Variants in PIGK observed in about 807,000 individuals in gnomAD.
The protein encoded by PIGK is GPI-anchor transamidase.
A neutral mutation model predicts 50.6 loss-of-function variants in PIGK; 42 were observed. The ratio of observed to expected loss-of-function variants is 0.83; its 90% CI spans 0.65 to 1.07. PIGK has a LOEUF of 1.07. PIGK is among the 50% of genes least tolerant of loss of function. The pLI is 0.00. For synonymous variants in PIGK, 151 were observed against 156.0 expected (o/e 0.97, Z 0.24); for missense variants, 448 against 488.7 (o/e 0.92, Z 0.78).
chr1:77,097,716 G>C (rs539678627), intron 10 of PIGK, among the ~76,000 whole-genome samples: 17 of 152,172 alleles, frequency 1.1e-4, no homozygotes, highest in Admixed American at 9.8e-4. Flanking sequence ...ATTACTCATA[G>C]ATATGATTAT....
chr1:77,166,873 G>A, intron 4 of PIGK, 43 bp from the exon 5 acceptor site: 1 of 903,408 alleles, frequency 1.1e-6, no homozygotes. Flanking sequence ...AATAAAACCT[G>A]GGAAATCTTG....
At position 77,153,179 on chromosome 1, in the gene PIGK, C is replaced by CA. The variant is rs746838686; in HGVS notation, c.986+1269dup. On this transcript the variant is annotated intron_variant, in intron 9 of 10. Transcript: ENST00000370812. ...TACACAATAAAATGTTATTCAGCCA[C>CA]AAAAAAGAATGAAATCTTGTTATTT... is the stretch of plus-strand genomic sequence containing the variant. Among the ~76,000 whole-genome samples the CA allele has an allele frequency of 2.6e-5, 4 of 152,014 alleles. No individual in the cohort carries two copies. In the South Asian group the frequency reaches 6.2e-4, roughly 24 times the overall value.
At chr1:77,173,686 G>A (rs550173035) in intron 3 of PIGK, among the ~76,000 whole-genome samples, 1 of 152,174 alleles carries the variant, frequency 6.6e-6, no homozygotes, top group Non-Finnish European at 1.5e-5. Context: ...AGCAAATTTG[G>A]TGTCCTTGTC....
chr1:77,219,198 G>A (rs912850534), intron 1 of PIGK, 112 bp downstream of exon 1: 2 of 810,394 alleles, frequency 2.5e-6, no homozygotes, highest in Non-Finnish European at 4.1e-6. Flanking sequence ...ACCCAGCCTG[G>A]GTCAGGGGCT....
At chr1:77,099,604 A>T (rs1653497345) in intron 10 of PIGK, among the ~76,000 whole-genome samples, 1 of 152,190 alleles carries the variant, frequency 6.6e-6, no homozygotes, top group African/African-American at 2.4e-5. Flanking sequence ...GTGTTTAATG[A>T]TATCGCTGAC....
At chr1:77,172,987 T>C (rs1236547799) in intron 3 of PIGK, among the ~76,000 whole-genome samples, 1 of 152,196 alleles carries the variant, frequency 6.6e-6, no homozygotes, top group Non-Finnish European at 1.5e-5. Flanking sequence ...TTGTTTCATT[T>C]TTCTCGTGCA....
intron 10 of PIGK, among the ~76,000 whole-genome samples, chr1:77,121,864 C>T (rs1347421576): frequency 6.6e-6 from 1 of 152,110 alleles, no homozygotes; most frequent in Non-Finnish European, 1.5e-5. Flanking sequence ...GATGATTGGG[C>T]AGGGTAAAGG....
At chr1:77,169,238 G>C in intron 4 of PIGK, 22 bp downstream of exon 4, 1 of 1,446,912 alleles carries the variant, frequency 6.9e-7, no homozygotes, top group Non-Finnish European at 9.3e-7. Context: ...TTTTAAAAAT[G>C]TGGCTAGATT....
At position 77,100,073 on chromosome 1, in the gene PIGK, T is replaced by A. The variant is rs1387875464; in HGVS notation, c.1072-7583A>T. On this transcript the variant is annotated intron_variant, in intron 10 of 10. Transcript: ENST00000370812. ...CCCCTCCATGTTGCTAGGAGAACAT[T>A]ACCACATAACTTTAAAAATAGTTAA... is the stretch of plus-strand genomic sequence containing the variant. 2.0e-5 allele frequency among the ~76,000 whole-genome samples: 3 copies of A among 152,152 alleles called. No individual in the cohort carries two copies. The East Asian group carries it at 5.8e-4, about 29-fold the overall frequency.
intron 3 of PIGK, chr1:77,195,198 C>A: frequency 2.5e-6 from 3 of 1,189,446 alleles, no homozygotes; most frequent in Non-Finnish European, 1.2e-6. Context: ...TAACCGTGGG[C>A]GATGAGAAAG....
intron 9 of PIGK, among the ~76,000 whole-genome samples, chr1:77,130,295 A>G (rs1190309876): frequency 1.2e-5 from 1 of 85,302 alleles, no homozygotes; most frequent in Non-Finnish European, 2.1e-5. Flanking sequence ...CCTACTCCTA[A>G]GCAAAAAAAA....
intron 10 of PIGK, among the ~76,000 whole-genome samples, chr1:77,104,603 T>C (rs1653622568): frequency 6.6e-6 from 1 of 152,146 alleles, no homozygotes; most frequent in Admixed American, 6.5e-5. Flanking sequence ...CAGGATAATA[T>C]TTGCCTAATT....
intron 1 of PIGK, among the ~76,000 whole-genome samples, chr1:77,218,390 C>T (rs1347821493): frequency 6.6e-6 from 1 of 152,142 alleles, no homozygotes; most frequent in Non-Finnish European, 1.5e-5. Flanking sequence ...TGAATTAAGT[C>T]AGTGGAACTG....
At chr1:77,109,633 G>T (rs1326486580) in intron 10 of PIGK, among the ~76,000 whole-genome samples, 2 of 152,138 alleles carry the variant, frequency 1.3e-5, no homozygotes, top group Non-Finnish European at 1.5e-5. Context: ...AGCTATTTAT[G>T]ACAAACCCAC....
chr1:77,136,702 G>A (rs1654527326), intron 9 of PIGK, among the ~76,000 whole-genome samples: 1 of 152,090 alleles, frequency 6.6e-6, no homozygotes, highest in Non-Finnish European at 1.5e-5. Context: ...TGGATTTGTT[G>A]AACTACCTTC....
At chr1:77,129,599 G>A (rs1654319736) in intron 9 of PIGK, 8 of 1,538,124 alleles carry the variant, frequency 5.2e-6, no homozygotes, top group Non-Finnish European at 7.1e-6. Context: ...AACCAGAAGA[G>A]GAGGTTGCCC....
At chr1:77,181,841 T>TTACCC (rs1400557230) in intron 3 of PIGK, among the ~76,000 whole-genome samples, 9 of 152,314 alleles carry the variant, frequency 5.9e-5, no homozygotes, top group African/African-American at 2.2e-4. Flanking sequence ...AAATTACCTT[T>TTACCC]TGGTTTTTCT....
intron 10 of PIGK, among the ~76,000 whole-genome samples, chr1:77,112,830 A>T (rs535518974): frequency 6.6e-6 from 1 of 152,208 alleles, no homozygotes; most frequent in African/African-American, 2.4e-5. Context: ...CACTTTCAGT[A>T]CTGCTTACCT....
intron 9 of PIGK, among the ~76,000 whole-genome samples, chr1:77,136,937 AC>A (rs1461008280): frequency 3.9e-4 from 59 of 152,318 alleles, no homozygotes; most frequent in African/African-American, 1.3e-3. Context: ...GAGAAATCTT[AC>A]AAAAATCATT....
Sources: gnomAD v4.1 joint callset for allele counts (sites outside exome capture counted in the v4.1 genomes callset) on GRCh38, gnomAD v4.1.1 for gene constraint, MANE v1.5 for transcripts, NCBI Gene and HGNC (gene_info 2026-07-23, HGNC 2026-07-21) for gene names.